TRPM3: variants seen among roughly 807,000 people sequenced by gnomAD.
TRPM3 encodes the protein long transient receptor potential channel 3.
In TRPM3, 77 loss-of-function variants were observed where a neutral mutation model predicts 181.2. The observed-to-expected ratio is 0.42, with a 90% confidence interval of 0.35 to 0.51. TRPM3 has a LOEUF of 0.51. TRPM3 is among the 20% of genes least tolerant of loss of function. The pLI is 0.01. For missense variants in TRPM3, 1,759 were observed against 2,196.7 expected (o/e 0.80, Z 3.98); for synonymous variants, 745 against 796.4 (o/e 0.94, Z 1.09).
At chr9:70,757,500 C>T (rs1641746685) in intron 8 of TRPM3, among the ~76,000 whole-genome samples, 1 of 152,130 alleles carries the variant, frequency 6.6e-6, no homozygotes, top group Non-Finnish European at 1.5e-5. Flanking sequence ...CAGCATCATC[C>T]TGATACCAAA....
At chr9:71,252,574 A>C (rs1588142007) in intron 1 of TRPM3, among the ~76,000 whole-genome samples, 1 of 152,196 alleles carries the variant, frequency 6.6e-6, no homozygotes, top group East Asian at 1.9e-4. Context: ...TCAGTGACTA[A>C]AATGCCCTGC....
chr9:70,970,929 A>T (rs2097237424), intron 1 of TRPM3, among the ~76,000 whole-genome samples: 1 of 152,194 alleles, frequency 6.6e-6, no homozygotes, highest in Non-Finnish European at 1.5e-5. Context: ...AACAAGTAAA[A>T]AACCCAAACT....
rs143061105 is a variant in TRPM3, at chr9:71,345,113, G to A, written c.183+101540C>T. ...TAACAGATTCTGGAGAGGATGTGGA[G>A]AAATAGAAATGCTTTTACACTGTTG... On this transcript the variant is annotated intron_variant, in intron 1 of 24. Coordinates refer to the TRPM3 transcript ENST00000357533. 5.7e-3 allele frequency among the ~76,000 whole-genome samples: 871 copies of A among 152,330 alleles called. 14 individuals carry two copies. Among genetic ancestry groups the A allele is most frequent in the African/African-American group, 0.02 (836 of 41,576 alleles).
intron 1 of TRPM3, among the ~76,000 whole-genome samples, chr9:71,014,733 A>G (rs1430274090): frequency 1.3e-5 from 2 of 152,116 alleles, no homozygotes; most frequent in African/African-American, 4.8e-5. Flanking sequence ...AATCACTTTT[A>G]GGCATATATT....
intron 1 of TRPM3, among the ~76,000 whole-genome samples, chr9:71,352,711 T>G (rs1040972840): frequency 6.6e-6 from 1 of 152,188 alleles, no homozygotes; most frequent in Non-Finnish European, 1.5e-5. Flanking sequence ...CATGTCACTT[T>G]AGTATCTCTT....
At chr9:71,322,701 G>GA (rs1240160773) in intron 1 of TRPM3, among the ~76,000 whole-genome samples, 1 of 152,040 alleles carries the variant, frequency 6.6e-6, no homozygotes, top group East Asian at 1.9e-4. Flanking sequence ...AGAATTTCAT[G>GA]AAAAAAGCAT....
intron 6 of TRPM3, among the ~76,000 whole-genome samples, chr9:70,799,623 A>C (rs573150025): frequency 1.3e-5 from 2 of 152,300 alleles, no homozygotes; most frequent in East Asian, 3.9e-4. Context: ...CACATATAGA[A>C]TTGAATAACC....
rs117715399 is a variant in TRPM3, at chr9:71,017,434, T to C, written c.177+103744A>G. Among the ~76,000 whole-genome samples the C allele has an allele frequency of 5.2e-3, 792 of 151,552 alleles. 19 individuals carry two copies. The East Asian group carries it at 0.078, about 15-fold the overall frequency. ...AACAAATAAGAAAACAACTAAAAAT[T>C]CCCCACAAAACTAAAAAATGACTAT... On this transcript the variant is annotated intron_variant, in intron 1 of 25. Coordinates refer to ENST00000677713, the MANE Select transcript of TRPM3 (RefSeq NM_001366145.2).
At chr9:70,603,740 C>T (rs4615645) in intron 19 of TRPM3, among the ~76,000 whole-genome samples, 78,306 of 152,116 alleles carry the variant, frequency 0.51, 21,974 homozygotes, top group Non-Finnish European at 0.63. Flanking sequence ...TGCATCATTT[C>T]GCCTTGCAGT....
intron 5 of TRPM3, 130 bp from the exon 6 acceptor site, chr9:70,828,148 A>ATCTTCT: frequency 1.1e-6 from 1 of 905,520 alleles, no homozygotes; most frequent in African/African-American, 1.6e-5. Flanking sequence ...TACAGTCTAC[A>ATCTTCT]TCTTCTTCTT....
chr9:70,788,270 T>G (rs2084420999), intron 6 of TRPM3, among the ~76,000 whole-genome samples: 1 of 149,872 alleles, frequency 6.7e-6, no homozygotes, highest in Non-Finnish European at 1.5e-5. Flanking sequence ...CTACCTTAGC[T>G]GATCATAAGC....
intron 1 of TRPM3, among the ~76,000 whole-genome samples, chr9:71,394,090 A>G (rs1216015272): frequency 6.6e-6 from 1 of 152,192 alleles, no homozygotes; most frequent in Non-Finnish European, 1.5e-5. Context: ...GAGATTAGGA[A>G]ACACTGCTAA....
At chr9:71,315,347 A>AT (rs548774525) in intron 1 of TRPM3, among the ~76,000 whole-genome samples, 11 of 152,154 alleles carry the variant, frequency 7.2e-5, no homozygotes, top group Admixed American at 3.9e-4. Context: ...TAATTCAGGC[A>AT]TTTTTTGCAT....
intron 1 of TRPM3, among the ~76,000 whole-genome samples, chr9:70,912,260 T>A (rs984864257): frequency 1.3e-5 from 2 of 152,232 alleles, no homozygotes; most frequent in African/African-American, 4.8e-5. Context: ...TTTATAATTC[T>A]CACTTAGTGT....
chr9:70,974,553 A>G (rs868215142), intron 1 of TRPM3, among the ~76,000 whole-genome samples: 357 of 150,766 alleles, frequency 2.4e-3, no homozygotes, highest in African/African-American at 7.9e-3. Flanking sequence ...CAAACAAACA[A>G]ACAAACAAAC....
At chr9:71,387,902 T>TA (rs1192869288) in intron 1 of TRPM3, among the ~76,000 whole-genome samples, 6 of 152,222 alleles carry the variant, frequency 3.9e-5, no homozygotes, top group African/African-American at 1.4e-4. Context: ...TATTATGTTA[T>TA]AACATACTTT....
intron 1 of TRPM3, among the ~76,000 whole-genome samples, chr9:70,969,436 T>C (rs2097216764): frequency 1.3e-5 from 2 of 151,934 alleles, no homozygotes; most frequent in South Asian, 4.2e-4. Context: ...AATAAGACAT[T>C]ATGTAAAAAC....
rs138522195 is a variant in TRPM3 at position 71,421,934 on chromosome 9, C to T, written c.183+24719G>A. ...ACTAAGTTTATCTTCCCACAATTTG[C>T]CACCCCTGGAGACTCAACGTCCCTT... On this transcript the variant is annotated intron_variant, in intron 1 of 24. Coordinates refer to the TRPM3 transcript ENST00000357533. Among the ~76,000 whole-genome samples the T allele has an allele frequency of 4.8e-3, 729 of 152,104 alleles. 5 individuals are homozygous for T. The highest frequency in any genetic ancestry group is 8.5e-3 in the Non-Finnish European group (577 of 67,940).
chr9:71,442,448 C>A (rs2094147896), intron 1 of TRPM3, among the ~76,000 whole-genome samples: 1 of 151,870 alleles, frequency 6.6e-6, no homozygotes, highest in Admixed American at 6.6e-5. Context: ...ATTAAAAATA[C>A]ATACATGCTA....
Sources: allele counts gnomAD v4.1 joint callset (sites outside exome capture counted in the v4.1 genomes callset), GRCh38; gene constraint gnomAD v4.1.1; transcripts MANE v1.5; gene names NCBI Gene and HGNC (gene_info 2026-07-23, HGNC 2026-07-21).